Variants in RBM25 observed in about 807,000 individuals in gnomAD.
The protein encoded by RBM25 is RNA binding motif protein 25.
RBM25 carries 19 observed loss-of-function variants against 120.7 expected under a neutral mutation model. The observed-to-expected ratio is 0.16, with a 90% CI of 0.11 to 0.23. The LOEUF (loss-of-function observed/expected upper bound fraction) is 0.23, where lower values mean the gene tolerates loss of function less well. RBM25 is among the 10% of genes least tolerant of loss of function. The probability of loss-of-function intolerance (pLI) is 1.00; values close to 1 mark genes in which losing one functional copy is unlikely to be tolerated. For synonymous variants in RBM25, 390 were observed against 326.7 expected, an observed-to-expected ratio of 1.19 and a Z score of -2.09; for missense variants, 605 against 1,041.5, an observed-to-expected ratio of 0.58 and a Z score of 5.77.
chr14:73,073,669 C>T (rs562165681), intron 2 of RBM25, among the ~76,000 whole-genome samples: 5 of 152,044 alleles, frequency 3.3e-5, no homozygotes, highest in African/African-American at 9.6e-5. Flanking sequence ...GCCTGGGCAA[C>T]AAGAATGCAA....
chr14:73,084,711 C>T (rs747874135), intron 5 of RBM25, among the ~76,000 whole-genome samples: 51 of 151,812 alleles, frequency 3.4e-4, no homozygotes, highest in Admixed American at 1.7e-3. Flanking sequence ...TGCCACCATG[C>T]CCGGCTAATT....
chr14:73,102,863 A>T (rs1896081698), intron 9 of RBM25: 1 of 234,370 alleles, frequency 4.3e-6, no homozygotes, highest in African/African-American at 2.3e-5. Flanking sequence ...TTAACCAATG[A>T]TCGTATTCAT....
At chr14:73,113,122 T>TC (rs1007370938) in intron 17 of RBM25, among the ~76,000 whole-genome samples, 2 of 152,068 alleles carry the variant, frequency 1.3e-5, no homozygotes, top group Admixed American at 1.3e-4. Flanking sequence ...CCTAATGCTC[T>TC]CCCTCCCCTA....
chr14:73,103,170 A>G, intron 9 of RBM25, 22 bp from the exon 10 acceptor site: 1 of 1,600,702 alleles, frequency 6.2e-7, no homozygotes, highest in African/African-American at 1.4e-5. Context: ...TTAACTCTAA[A>G]AGTGCTTTTA....
intron 7 of RBM25, among the ~76,000 whole-genome samples, chr14:73,098,266 A>G (rs1352757337): frequency 6.6e-6 from 1 of 152,156 alleles, no homozygotes; most frequent in African/African-American, 2.4e-5. Flanking sequence ...AGAAGCTGAG[A>G]CTATAGGCAT....
chr14:73,111,142 A>G lies in RBM25; in HGVS notation c.2004A>G (p.Leu668=), dbSNP rs377247188. The G allele has an allele frequency of 4.8e-5, 77 of 1,608,748 alleles. No individual in the cohort carries two copies. Among genetic ancestry groups the G allele is most frequent in the Non-Finnish European group, 5.7e-5 (67 of 1,175,256 alleles). The change falls in exon 15 of 19, where the codon CTA becomes CTG. Residue 668 remains leucine (L), a synonymous_variant. Transcript: ENST00000261973. ...QPEEHRPKIG[L]SLKLGASNSP... ...AGGAGCATAGGCCAAAAATAGGACT[A>G]AGTCTTAAACTGGGTACGTTAGCAT...
At position 73,099,870 on chromosome 14, in the gene RBM25, A is replaced by G. The variant is rs570076978; in HGVS notation, c.867+120A>G. 12 of 1,331,244 alleles carry G rather than the reference A, an allele frequency of 9.0e-6. No individual in the cohort carries two copies. The East Asian group carries it at 3.1e-4, about 34-fold the overall frequency. The allele number at this position is 1,331,244 out of a possible 1,614,324, so 82.5% of individuals were successfully genotyped here. On this transcript the variant is annotated intron_variant, in intron 9 of 18. Transcript: ENST00000261973. ...ATTTTAAATGTTTTTTATAGGTTTA[A>G]TTGATATTTAGATAGAAAAAAGAAA...
chr14:73,074,552 A>G (rs1895368863), intron 2 of RBM25, among the ~76,000 whole-genome samples: 2 of 152,102 alleles, frequency 1.3e-5, no homozygotes, highest in Admixed American at 1.3e-4. Flanking sequence ...TGGACAACAT[A>G]GGGAAGAAAG....
chr14:73,081,780 T>C (rs1292931160), intron 4 of RBM25, among the ~76,000 whole-genome samples: 1 of 152,238 alleles, frequency 6.6e-6, no homozygotes, highest in Non-Finnish European at 1.5e-5. Flanking sequence ...CTTATCGTGT[T>C]ATAGCATCTA....
rs202107039 is a variant in RBM25, at chr14:73,095,606, CA to C, written c.544-1296del. On this transcript the variant is annotated intron_variant, in intron 6 of 18. Transcript: ENST00000261973. ...TGGGCAACAGAGCAAGACTCCGCCT[CA>C]AAAAAAAAAAAAGAATTTGTTGAGC... 4.6e-3 allele frequency among the ~76,000 whole-genome samples: 589 copies of C among 128,608 alleles called. 3 individuals are homozygous for C. Among genetic ancestry groups the C allele is most frequent in the African/African-American group, 0.013 (434 of 34,078 alleles). The allele number at this position is 128,608 out of a possible 152,430, so 84.4% of individuals were successfully genotyped here.
chr14:73,108,467 T>TA (rs556577111), intron 13 of RBM25, among the ~76,000 whole-genome samples: 1 of 152,230 alleles, frequency 6.6e-6, no homozygotes, highest in Non-Finnish European at 1.5e-5. Context: ...TCCAAATTGA[T>TA]ACATTATTGT....
At chr14:73,092,153 T>G (rs1239025636) in intron 6 of RBM25, among the ~76,000 whole-genome samples, 1 of 151,874 alleles carries the variant, frequency 6.6e-6, no homozygotes, top group Non-Finnish European at 1.5e-5. Flanking sequence ...AAGCAAATAT[T>G]ACTATATAGT....
intron 1 of RBM25, among the ~76,000 whole-genome samples, chr14:73,063,656 A>C (rs1895059638): frequency 6.6e-6 from 1 of 151,224 alleles, no homozygotes; most frequent in Non-Finnish European, 1.5e-5. Flanking sequence ...ACTTGATAGC[A>C]CTTTCACCAC....
chr14:73,059,715 G>C (rs893919049), intron 1 of RBM25, among the ~76,000 whole-genome samples: 1 of 152,132 alleles, frequency 6.6e-6, no homozygotes, highest in Non-Finnish European at 1.5e-5. Context: ...AACATTCAGA[G>C]GACTTGAAAG....
rs1451630139 is a variant in RBM25, at chr14:73,111,012, C to T, written c.1874C>T (p.Ser625Phe). The change falls in exon 15 of 19, where the codon TCT becomes TTT. Residue 625 changes from serine (S) to phenylalanine (F), a missense_variant. Ser to Phe is a radical substitution (Grantham distance 155). Coordinates refer to ENST00000261973, the MANE Select transcript of RBM25 (RefSeq NM_021239.3). ...CTGAGGCCCATCAGCTCTGCTCCAT[C>T]TGTTTCCTCTGCCAGTGGCAATGCA... ...PTLRPISSAPSVSSASGNATP... is the reference protein window; with the variant it reads ...PTLRPISSAPFVSSASGNATP... 6.2e-7 allele frequency: 1 copy of T among 1,614,054 alleles called. No individual in the cohort carries two copies. Among genetic ancestry groups the T allele is most frequent in the Admixed American group, 1.7e-5 (1 of 60,002 alleles).
At chr14:73,061,369 A>T (rs375131611) in intron 1 of RBM25, among the ~76,000 whole-genome samples, 1 of 151,172 alleles carries the variant, frequency 6.6e-6, no homozygotes, top group African/African-American at 2.4e-5. Context: ...TGCCTTTTTT[A>T]AAATGGCAGC....
At chr14:73,099,518 ATTTAAC>A in intron 8 of RBM25, 85 bp downstream of exon 8, 5 of 1,586,048 alleles carry the variant, frequency 3.2e-6, no homozygotes, top group Non-Finnish European at 4.3e-6. Flanking sequence ...ATTTTTCACT[ATTTAAC>A]TTTAGATTGT....
intron 18 of RBM25, among the ~76,000 whole-genome samples, chr14:73,115,222 T>C (rs899421657): frequency 1.3e-5 from 2 of 151,836 alleles, no homozygotes; most frequent in African/African-American, 4.8e-5. Context: ...GTTTGTTACA[T>C]AGGTAAACTT....
chr14:73,092,462 G>A (rs1018644486), intron 6 of RBM25, among the ~76,000 whole-genome samples: 1 of 151,944 alleles, frequency 6.6e-6, no homozygotes, highest in Non-Finnish European at 1.5e-5. Context: ...TTTCCTCTGA[G>A]GCAGAAGAGA....
Sources: allele counts gnomAD v4.1 joint callset (sites outside exome capture counted in the v4.1 genomes callset), GRCh38; gene constraint gnomAD v4.1.1; transcripts MANE v1.5; gene names NCBI Gene and HGNC (gene_info 2026-07-23, HGNC 2026-07-21).